The following PKD2 variants were observed in gnomAD, a reference collection of about 807,000 sequenced individuals.
PKD2 encodes the protein polycystin 2, transient receptor potential cation channel.
A neutral mutation model predicts 105.9 loss-of-function variants in PKD2; 48 were observed. The ratio of observed to expected loss-of-function variants is 0.45; its 90% CI spans 0.36 to 0.58. PKD2 has a LOEUF of 0.58. PKD2 is among the 20% of genes least tolerant of loss of function. The probability of loss-of-function intolerance (pLI) is 0.00; values close to 1 mark genes in which losing one functional copy is unlikely to be tolerated. For synonymous variants in PKD2, 464 were observed against 481.1 expected, an observed-to-expected ratio of 0.96 and a Z score of 0.46; for missense variants, 1,078 against 1,255.3, an observed-to-expected ratio of 0.86 and a Z score of 2.13.
intron 2 of PKD2, among the ~76,000 whole-genome samples, chr4:88,023,969 A>G (rs1054274703): frequency 3.0e-4 from 46 of 152,208 alleles, no homozygotes; most frequent in Non-Finnish European, 8.8e-5. Flanking sequence ...AACAGAAATG[A>G]CATGAGAATT....
chr4:88,012,053 A>T (rs1191598395), intron 1 of PKD2, among the ~76,000 whole-genome samples: 1 of 152,206 alleles, frequency 6.6e-6, no homozygotes, highest in Non-Finnish European at 1.5e-5. Flanking sequence ...CCCCACACAC[A>T]CACACTACAA....
intron 2 of PKD2, among the ~76,000 whole-genome samples, chr4:88,020,683 CTTTTTTTTTT>C (rs746448717): frequency 7.2e-6 from 1 of 138,106 alleles, no homozygotes; most frequent in Non-Finnish European, 1.6e-5. Context: ...AAAAGGTTTC[CTTTTTTTTTT>C]TTTTTTTTAA....
At chr4:88,055,954 TG>T in intron 7 of PKD2, 131 bp from the exon 8 acceptor site, 2 of 711,232 alleles carry the variant, frequency 2.8e-6, no homozygotes, top group East Asian at 5.1e-5. Context: ...CTTTGCATGA[TG>T]TTTTCAAGGT....
chr4:88,040,850 C>G (rs1184927254), intron 4 of PKD2, among the ~76,000 whole-genome samples: 1 of 152,174 alleles, frequency 6.6e-6, no homozygotes, highest in Non-Finnish European at 1.5e-5. Flanking sequence ...TTTCTTTTCT[C>G]TCTTTCCCAT....
chr4:88,063,871 G>A (rs1364037648), intron 10 of PKD2, among the ~76,000 whole-genome samples: 1 of 150,256 alleles, frequency 6.7e-6, no homozygotes, highest in Non-Finnish European at 1.5e-5. Flanking sequence ...AAAAAATGTT[G>A]GGGCTGGACA....
At chr4:88,063,779 C>G (rs989471996) in intron 10 of PKD2, among the ~76,000 whole-genome samples, 14 of 152,148 alleles carry the variant, frequency 9.2e-5, no homozygotes, top group African/African-American at 3.4e-4. Flanking sequence ...ATGAAGATGT[C>G]TTGAGGAAAT....
intron 3 of PKD2, 138 bp from the exon 4 acceptor site, chr4:88,038,113 C>G: frequency 1.1e-6 from 1 of 943,028 alleles, no homozygotes; most frequent in Non-Finnish European, 1.7e-6. Flanking sequence ...TCCCAAATCT[C>G]TCTGACAACA....
intron 1 of PKD2, among the ~76,000 whole-genome samples, chr4:88,011,742 A>G (rs1041870138): frequency 2.0e-5 from 3 of 152,286 alleles, no homozygotes; most frequent in African/African-American, 7.2e-5. Context: ...ATGCTACCAC[A>G]CAGAAACTGC....
In PKD2 at chr4:88,077,153, C is replaced by T. The variant is rs572019745; in HGVS notation, c.*1459C>T. Reference sequence around the variant, plus strand: ...CCCTCACTTGGAGAACCAAGAGAATCCTGTCGTTTAATGCTATATTTTAAT... The same window carrying T: ...CCCTCACTTGGAGAACCAAGAGAATTCTGTCGTTTAATGCTATATTTTAAT... On this transcript the variant is annotated 3_prime_UTR_variant, in exon 15 of 15. Coordinates refer to ENST00000237596, the MANE Select transcript of PKD2 (RefSeq NM_000297.4). The T allele has an allele frequency of 6.6e-6, 1 of 152,610 alleles. No homozygotes were observed. Among genetic ancestry groups the T allele is most frequent in the South Asian group, 2.1e-4 (1 of 4,820 alleles). The allele number at this position is 152,610 out of a possible 1,614,324, so 9.5% of individuals were successfully genotyped here. A position where few individuals can be genotyped will look rare whatever the true frequency, so the allele number is the denominator to read the frequency against.
intron 2 of PKD2, among the ~76,000 whole-genome samples, chr4:88,030,478 A>G (rs1381275472): frequency 6.6e-6 from 1 of 152,226 alleles, no homozygotes; most frequent in East Asian, 1.9e-4. Flanking sequence ...ATAGGCTGGC[A>G]TTTTACTTAA....
rs777045980 is a variant in PKD2 at position 88,038,385 on chromosome 4, C to G, written c.978C>G (p.Val326=). The G allele has an allele frequency of 1.9e-6, 3 of 1,613,964 alleles. No homozygotes were observed. Among genetic ancestry groups the G allele is most frequent in the Non-Finnish European group, 1.7e-6 (2 of 1,179,908 alleles). The change falls in exon 4 of 15, where the codon GTC becomes GTG. Residue 326 remains valine, a synonymous_variant. Transcript: ENST00000237596. The part of the protein sequence containing the change: ...LGVPRIRQLR[V]RNGSCSIPQD... ...TTCCACGAATACGGCAACTCCGAGTCAGAAATGGATCCTGCTCTATCCCCC... is the reference window on the plus strand; with the variant it reads ...TTCCACGAATACGGCAACTCCGAGTGAGAAATGGATCCTGCTCTATCCCCC...
intron 9 of PKD2, among the ~76,000 whole-genome samples, chr4:88,058,905 A>G: frequency 6.6e-6 from 1 of 152,130 alleles, no homozygotes; most frequent in East Asian, 1.9e-4. Flanking sequence ...AGCCAGCTTA[A>G]TTTAGGCAAT....
intron 12 of PKD2, among the ~76,000 whole-genome samples, chr4:88,066,296 T>A (rs1400477135): frequency 6.6e-6 from 1 of 151,866 alleles, no homozygotes; most frequent in Non-Finnish European, 1.5e-5. Flanking sequence ...AAACAAAAAA[T>A]GACTTACCAA....
At chr4:88,028,418 G>A (rs1297874388) in intron 2 of PKD2, among the ~76,000 whole-genome samples, 1 of 152,190 alleles carries the variant, frequency 6.6e-6, no homozygotes. Context: ...AACAGTTTCA[G>A]TCTTAAGATC....
chr4:88,055,587 C>T lies in PKD2; in HGVS notation c.1717-499C>T, dbSNP rs143173340. On this transcript the variant is annotated intron_variant, in intron 7 of 14. Coordinates refer to ENST00000237596, the MANE Select transcript of PKD2 (RefSeq NM_000297.4). Reference sequence around the variant, plus strand: ...CTCATGGGCTCAAGCGATCCTCCTGCCTCAGTCTTCCAAAGTGCCGGGATT... The same window carrying T: ...CTCATGGGCTCAAGCGATCCTCCTGTCTCAGTCTTCCAAAGTGCCGGGATT... Among the ~76,000 whole-genome samples the T allele has an allele frequency of 9.4e-4, 143 of 151,672 alleles. 1 individual carries two copies. The East Asian group carries it at 0.023, about 24-fold the overall frequency.
rs144590958 is a variant in PKD2 at position 88,075,516 on chromosome 4, G to T, written c.2729G>T (p.Arg910Leu). ...IHREQMERLV[R>L]EELERWESDD... ...AGGGAACAGATGGAACGGCTAGTAC[G>T]TGAAGAGTTGGAACGCTGGGAATCC... Residue 910 changes from arginine to leucine, a missense_variant, in exon 15 of 15, where the codon CGT becomes CTT. Transcript: ENST00000237596. 1 of 1,614,158 alleles carries T rather than the reference G, an allele frequency of 6.2e-7. No individual in the cohort carries two copies. The highest frequency in any genetic ancestry group is 8.5e-7 in the Non-Finnish European group (1 of 1,180,004).
At chr4:88,059,732 GATAC>G (rs1225589637) in intron 9 of PKD2, among the ~76,000 whole-genome samples, 8 of 145,614 alleles carry the variant, frequency 5.5e-5, no homozygotes, top group East Asian at 4.4e-4. Flanking sequence ...TAGGTGGATA[GATAC>G]ATACATACGT....
chr4:88,045,934 G>C (rs772323522), intron 5 of PKD2, among the ~76,000 whole-genome samples: 1 of 152,096 alleles, frequency 6.6e-6, no homozygotes, highest in Non-Finnish European at 1.5e-5. Flanking sequence ...CACATGTTTT[G>C]AGTGGATGGT....
chr4:88,026,302 C>T (rs1306058425), intron 2 of PKD2, among the ~76,000 whole-genome samples: 1 of 152,170 alleles, frequency 6.6e-6, no homozygotes, highest in Non-Finnish European at 1.5e-5. Context: ...GTAAACGTCA[C>T]TCTTACATGT....
Sources: gnomAD v4.1 joint callset for allele counts (sites outside exome capture counted in the v4.1 genomes callset) on GRCh38, gnomAD v4.1.1 for gene constraint, MANE v1.5 for transcripts, NCBI Gene and HGNC (gene_info 2026-07-23, HGNC 2026-07-21) for gene names.